NCAM2: variants seen among roughly 807,000 people sequenced by gnomAD.
NCAM2 encodes neural cell adhesion molecule 2, also known as N-CAM-2.
NCAM2 carries 30 observed loss-of-function variants against 98.1 expected under a neutral mutation model. The observed-to-expected ratio is 0.31, with a 90% CI of 0.23 to 0.41. The LOEUF is 0.41. Ranked by LOEUF, NCAM2 falls within the 10% of genes least tolerant of loss-of-function variation. NCAM2 has a pLI of 1.00. For synonymous variants in NCAM2, 368 were observed against 342.4 expected (o/e 1.07, Z -0.83); for missense variants, 867 against 1,005.8 (o/e 0.86, Z 1.87).
chr21:21,018,693 G>A (rs2064368510), intron 1 of NCAM2, among the ~76,000 whole-genome samples: 1 of 152,110 alleles, frequency 6.6e-6, no homozygotes, highest in Non-Finnish European at 1.5e-5. Flanking sequence ...AGGTATGTTG[G>A]TTCTGTTTTT....
intron 12 of NCAM2, among the ~76,000 whole-genome samples, chr21:21,433,870 T>C (rs920649209): frequency 6.6e-6 from 1 of 152,086 alleles, no homozygotes; most frequent in African/African-American, 2.4e-5. Context: ...CTAAACTGCA[T>C]AAAACTCAGT....
chr21:21,232,700 A>C (rs891206825), intron 1 of NCAM2, among the ~76,000 whole-genome samples: 25 of 151,748 alleles, frequency 1.6e-4, no homozygotes, highest in South Asian at 1.0e-3. Context: ...CATTATTAAG[A>C]AAAAGTTTTC....
At chr21:21,255,032 G>T (rs186758358) in intron 1 of NCAM2, among the ~76,000 whole-genome samples, 8 of 151,902 alleles carry the variant, frequency 5.3e-5, no homozygotes, top group Admixed American at 3.3e-4. Flanking sequence ...CATCAAAACA[G>T]ATTTGGGTGC....
chr21:21,332,151 G>A (rs2074730411), intron 6 of NCAM2, among the ~76,000 whole-genome samples: 1 of 151,632 alleles, frequency 6.6e-6, no homozygotes, highest in African/African-American at 2.4e-5. Flanking sequence ...GATCTGCCCT[G>A]CCCGCCTCGG....
chr21:21,231,159 G>T (rs190838349), intron 1 of NCAM2, among the ~76,000 whole-genome samples: 1 of 151,324 alleles, frequency 6.6e-6, no homozygotes, highest in African/African-American at 2.4e-5. Flanking sequence ...AATGCCAAAA[G>T]TACCTAGTTG....
intron 1 of NCAM2, among the ~76,000 whole-genome samples, chr21:21,056,029 A>G (rs2146310804): frequency 6.6e-6 from 1 of 152,200 alleles, no homozygotes; most frequent in African/African-American, 2.4e-5. Flanking sequence ...TTTTATAGTC[A>G]ATAAACTGTT....
intron 1 of NCAM2, among the ~76,000 whole-genome samples, chr21:21,160,977 A>G (rs2067765458): frequency 6.6e-6 from 1 of 152,062 alleles, no homozygotes; most frequent in African/African-American, 2.4e-5. Flanking sequence ...ATATTTCAGT[A>G]TACGTAAGAT....
intron 8 of NCAM2, among the ~76,000 whole-genome samples, chr21:21,364,748 A>C (rs2075743616): frequency 6.6e-6 from 1 of 152,082 alleles, no homozygotes; most frequent in South Asian, 2.1e-4. Context: ...TTGAATAAGG[A>C]TGTGTTCTAT....
chr21:21,374,032 T>C lies in NCAM2; in HGVS notation c.1195+19T>C. 1 of 1,592,764 alleles carries C rather than the reference T, an allele frequency of 6.3e-7. No individual in the cohort carries two copies. Among genetic ancestry groups the C allele is most frequent in the Non-Finnish European group, 8.5e-7 (1 of 1,171,504 alleles). ...ATTGAATGTAAGTTACTTTCCTTTG[T>C]ATTTTCATTAAAATAACTTTGCATG... On this transcript the variant is annotated intron_variant, in intron 9 of 17. Coordinates refer to ENST00000400546, the MANE Select transcript of NCAM2 (RefSeq NM_004540.5).
intron 1 of NCAM2, among the ~76,000 whole-genome samples, chr21:21,007,206 C>T (rs1482660343): frequency 6.6e-6 from 1 of 152,128 alleles, no homozygotes; most frequent in African/African-American, 2.4e-5. Flanking sequence ...AGAAAATAAG[C>T]TCACTTGTAG....
chr21:21,282,174 T>C (rs1397541647), intron 2 of NCAM2, among the ~76,000 whole-genome samples: 1 of 151,850 alleles, frequency 6.6e-6, no homozygotes, highest in Non-Finnish European at 1.5e-5. Flanking sequence ...AATATCCTCA[T>C]AAATTAGAAC....
At chr21:21,418,820 G>A (rs900322270) in intron 11 of NCAM2, among the ~76,000 whole-genome samples, 1 of 152,036 alleles carries the variant, frequency 6.6e-6, no homozygotes, top group African/African-American at 2.4e-5. Context: ...TGGTACGGTA[G>A]GGCTATAATA....
At chr21:21,155,999 C>G (rs1207289707) in intron 1 of NCAM2, among the ~76,000 whole-genome samples, 1 of 151,940 alleles carries the variant, frequency 6.6e-6, no homozygotes, top group African/African-American at 2.4e-5. Context: ...GAAGGTTCTT[C>G]TTACTTCAGT....
chr21:21,448,773 T>TATGAATTGCA (rs1382027443), intron 12 of NCAM2, among the ~76,000 whole-genome samples: 2 of 152,070 alleles, frequency 1.3e-5, no homozygotes, highest in African/African-American at 4.8e-5. Context: ...GCAGTAAACT[T>TATGAATTGCA]ATGAATTGCA....
At chr21:21,368,401 A>G (rs141038465) in intron 8 of NCAM2, among the ~76,000 whole-genome samples, 1 of 151,806 alleles carries the variant, frequency 6.6e-6, no homozygotes, top group African/African-American at 2.4e-5. Flanking sequence ...CTTTCCCAGC[A>G]TGTCATCAGT....
chr21:21,087,993 G>A (rs970280064), intron 1 of NCAM2, among the ~76,000 whole-genome samples: 5 of 152,104 alleles, frequency 3.3e-5, no homozygotes, highest in Non-Finnish European at 4.4e-5. Context: ...CATAAGCTCT[G>A]TAAATTCACC....
intron 5 of NCAM2, among the ~76,000 whole-genome samples, chr21:21,299,125 T>C (rs1643510030): frequency 6.6e-6 from 1 of 151,740 alleles, no homozygotes; most frequent in Non-Finnish European, 1.5e-5. Flanking sequence ...AGATGCCATC[T>C]GACATTGTGG....
chr21:21,371,407 G>T (rs2075911694), intron 8 of NCAM2, among the ~76,000 whole-genome samples: 2 of 151,888 alleles, frequency 1.3e-5, no homozygotes, highest in Middle Eastern at 3.4e-3. Context: ...GAGGCAAACA[G>T]AATACCTATA....
chr21:21,084,204 T>A (rs1210338976), intron 1 of NCAM2, among the ~76,000 whole-genome samples: 5 of 152,276 alleles, frequency 3.3e-5, no homozygotes, highest in Non-Finnish European at 7.4e-5. Context: ...TCATGAGGGT[T>A]CTGCCTTCAT....
Sources: allele counts gnomAD v4.1 joint callset (sites outside exome capture counted in the v4.1 genomes callset), GRCh38; gene constraint gnomAD v4.1.1; transcripts MANE v1.5; gene names NCBI Gene and HGNC (gene_info 2026-07-23, HGNC 2026-07-21).